Variants in GABRB2 observed in about 807,000 individuals in gnomAD.
GABRB2 encodes the protein gamma-aminobutyric acid type A receptor subunit beta2, also known as gamma-aminobutyric acid receptor subunit beta-2.
A neutral mutation model predicts 54.7 loss-of-function variants in GABRB2; 16 were observed. The observed-to-expected ratio is 0.29, with a 90% CI of 0.20 to 0.44. The LOEUF is 0.44. Among genes scored for constraint, GABRB2 ranks in the 20% least tolerant of loss-of-function variants. GABRB2 has a pLI of 1.00. For synonymous variants in GABRB2, 244 were observed against 233.8 expected (o/e 1.04, Z -0.40); for missense variants, 355 against 644.0 (o/e 0.55, Z 4.86).
intron 3 of GABRB2, among the ~76,000 whole-genome samples, chr5:161,535,576 G>A (rs950112093): frequency 6.6e-6 from 1 of 152,176 alleles, no homozygotes; most frequent in Non-Finnish European, 1.5e-5. Context: ...TGTGAAGGCA[G>A]TCATTTGCTA....
At chr5:161,470,553 C>T (rs1044845542) in intron 3 of GABRB2, among the ~76,000 whole-genome samples, 6 of 151,856 alleles carry the variant, frequency 4.0e-5, no homozygotes, top group Non-Finnish European at 7.4e-5. Context: ...TAATGTGATA[C>T]TGTGATAGCT....
At chr5:161,413,452 T>G (rs1756579022) in intron 4 of GABRB2, among the ~76,000 whole-genome samples, 1 of 152,184 alleles carries the variant, frequency 6.6e-6, no homozygotes, top group Non-Finnish European at 1.5e-5. Flanking sequence ...ATAAATTCTA[T>G]TAAAAGTTAC....
intron 4 of GABRB2, among the ~76,000 whole-genome samples, chr5:161,456,156 A>G (rs1757948938): frequency 6.6e-6 from 1 of 152,118 alleles, no homozygotes. Context: ...CACTGCCTTG[A>G]TATTTAAAGT....
chr5:161,424,780 T>A (rs940579037), intron 4 of GABRB2, among the ~76,000 whole-genome samples: 2 of 152,154 alleles, frequency 1.3e-5, no homozygotes, highest in African/African-American at 4.8e-5. Flanking sequence ...ATTGCTGTCA[T>A]GTATAGTGAT....
intron 7 of GABRB2, among the ~76,000 whole-genome samples, chr5:161,332,698 C>T (rs931963841): frequency 6.6e-6 from 1 of 152,280 alleles, no homozygotes; most frequent in African/African-American, 2.4e-5. Flanking sequence ...AATCCAGGCC[C>T]TTAAACACTA....
chr5:161,533,407 C>A (rs933559876), intron 3 of GABRB2, among the ~76,000 whole-genome samples: 2 of 151,906 alleles, frequency 1.3e-5, no homozygotes, highest in Non-Finnish European at 2.9e-5. Context: ...TATCTTTATG[C>A]CATCCAAAAA....
chr5:161,491,999 G>A (rs981631648), intron 3 of GABRB2, among the ~76,000 whole-genome samples: 5 of 151,442 alleles, frequency 3.3e-5, no homozygotes, highest in Admixed American at 6.6e-5. Context: ...TAACTCAGAT[G>A]CAAAAACAGA....
intron 3 of GABRB2, among the ~76,000 whole-genome samples, chr5:161,485,969 T>G (rs1758911737): frequency 1.3e-5 from 2 of 152,050 alleles, no homozygotes; most frequent in South Asian, 2.1e-4. Flanking sequence ...TGGTTGGTTC[T>G]TGATGGTATT....
intron 4 of GABRB2, among the ~76,000 whole-genome samples, chr5:161,454,215 A>G (rs1190867188): frequency 6.6e-6 from 1 of 152,148 alleles, no homozygotes; most frequent in Non-Finnish European, 1.5e-5. Context: ...GCTACAACTG[A>G]GGCGCTTGCC....
intron 3 of GABRB2, among the ~76,000 whole-genome samples, chr5:161,519,779 A>G (rs1760057918): frequency 6.6e-6 from 1 of 152,188 alleles, no homozygotes; most frequent in Admixed American, 6.5e-5. Flanking sequence ...TTGATTTTAA[A>G]TGATCAAGGT....
intron 3 of GABRB2, among the ~76,000 whole-genome samples, chr5:161,503,130 T>G (rs1294561483): frequency 6.6e-6 from 1 of 151,680 alleles, no homozygotes; most frequent in African/African-American, 2.4e-5. Context: ...TTGTTGTTAT[T>G]GTTTTTTTTT....
chr5:161,336,053 G>A (rs1458885083), intron 6 of GABRB2, among the ~76,000 whole-genome samples: 4 of 152,140 alleles, frequency 2.6e-5, no homozygotes, highest in Non-Finnish European at 5.9e-5. Context: ...AAATTTTGCT[G>A]ATGAAATAAA....
intron 3 of GABRB2, among the ~76,000 whole-genome samples, chr5:161,505,317 G>A (rs1759573901): frequency 6.6e-6 from 1 of 151,840 alleles, no homozygotes; most frequent in African/African-American, 2.4e-5. Flanking sequence ...TTTTAGTAGA[G>A]ACAGGGTTTC....
chr5:161,436,934 C>T (rs1486620903), intron 4 of GABRB2, among the ~76,000 whole-genome samples: 1 of 152,106 alleles, frequency 6.6e-6, no homozygotes, highest in Non-Finnish European at 1.5e-5. Context: ...ACAGAGAAAG[C>T]ATTTAAACCA....
intron 9 of GABRB2, among the ~76,000 whole-genome samples, chr5:161,306,127 G>A (rs575302689): frequency 3.9e-5 from 6 of 152,182 alleles, no homozygotes; most frequent in South Asian, 2.1e-4. Context: ...TGAAACTGAC[G>A]TCAATCTTGT....
chr5:161,518,688 C>T (rs1760025119), intron 3 of GABRB2, among the ~76,000 whole-genome samples: 1 of 152,142 alleles, frequency 6.6e-6, no homozygotes, highest in Admixed American at 6.5e-5. Context: ...TCTAAAAATA[C>T]TCACATCATG....
At chr5:161,312,743 A>G (rs1174560031) in intron 9 of GABRB2, among the ~76,000 whole-genome samples, 2 of 152,178 alleles carry the variant, frequency 1.3e-5, no homozygotes, top group Admixed American at 6.5e-5. Flanking sequence ...AATTTGTATT[A>G]TTAGGCAAAC....
upstream of GABRB2, chr5:161,548,338 G>A (rs1380922185): frequency 6.6e-6 from 1 of 152,294 alleles, no homozygotes; most frequent in African/African-American, 2.4e-5. Context: ...GGGGACACAA[G>A]GCCGTCCGAA....
chr5:161,309,996 C>T (rs779755168), intron 9 of GABRB2, among the ~76,000 whole-genome samples: 7 of 152,114 alleles, frequency 4.6e-5, no homozygotes, highest in Non-Finnish European at 5.9e-5. Context: ...AAAAGAAAAA[C>T]GTTACATCCT....
Sources: allele counts gnomAD v4.1 joint callset (sites outside exome capture counted in the v4.1 genomes callset), GRCh38; gene constraint gnomAD v4.1.1; transcripts MANE v1.5; gene names NCBI Gene and HGNC (gene_info 2026-07-23, HGNC 2026-07-21).